Variants in RBFOX2 observed in about 807,000 individuals in gnomAD.
RBFOX2 encodes the protein RNA binding protein fox-1 homolog 2.
A neutral mutation model predicts 49.1 loss-of-function variants in RBFOX2; 10 were observed. The ratio of observed to expected loss-of-function variants is 0.20; its 90% confidence interval spans 0.13 to 0.35. The LOEUF (loss-of-function observed/expected upper bound fraction) is 0.35. Ranked by LOEUF, RBFOX2 falls within the 10% of genes least tolerant of loss-of-function variation. The pLI, the probability that RBFOX2 is intolerant of heterozygous loss-of-function variation, is 1.00. For missense variants in RBFOX2, 323 were observed against 486.9 expected, an observed-to-expected ratio of 0.66 and a Z score of 3.17; for synonymous variants, 183 against 187.4, an observed-to-expected ratio of 0.98 and a Z score of 0.19.
chr22:36,028,556 G>A (rs2059540722), exon 1 of RBFOX2: 24 of 860,768 alleles, frequency 2.8e-5, no homozygotes, highest in Non-Finnish European at 3.3e-5. Context: ...GCGTGCGTGC[G>A]CGCGAGCGGA....
chr22:35,790,216 G>A (rs1030021221), intron 2 of RBFOX2, among the ~76,000 whole-genome samples: 8 of 152,268 alleles, frequency 5.3e-5, no homozygotes, highest in South Asian at 2.1e-4. Context: ...CTTGTTTTGA[G>A]CTGACATGTA....
chr22:35,840,694 C>T, upstream of RBFOX2: 1 of 907,032 alleles, frequency 1.1e-6, no homozygotes. Flanking sequence ...GCGCCATGTG[C>T]TGGCATATTT....
chr22:35,772,827 C>T (rs569979535), intron 4 of RBFOX2, among the ~76,000 whole-genome samples: 1 of 152,004 alleles, frequency 6.6e-6, no homozygotes, highest in Non-Finnish European at 1.5e-5. Context: ...TGGCCTCAGA[C>T]TGCAATAAAT....
intron 1 of RBFOX2, among the ~76,000 whole-genome samples, chr22:35,930,167 C>T (rs2052208307): frequency 6.6e-6 from 1 of 151,626 alleles, no homozygotes; most frequent in African/African-American, 2.4e-5. Context: ...ATTACAGGCA[C>T]CCGCCACCAT....
At chr22:35,742,215 C>G (rs1472650216) in exon 12 of RBFOX2, 2 of 152,222 alleles carry the variant, frequency 1.3e-5, no homozygotes, top group Non-Finnish European at 2.9e-5. Flanking sequence ...CCCTTATTCT[C>G]TGTCTTCCTC....
intron 1 of RBFOX2, among the ~76,000 whole-genome samples, chr22:35,898,665 C>T (rs1037164001): frequency 6.6e-5 from 10 of 151,902 alleles, no homozygotes; most frequent in Admixed American, 2.6e-4. Flanking sequence ...TGACCTCAAG[C>T]GATCCACCTG....
At chr22:35,917,817 G>A (rs541171622) in intron 1 of RBFOX2, among the ~76,000 whole-genome samples, 1 of 152,256 alleles carries the variant, frequency 6.6e-6, no homozygotes, top group African/African-American at 2.4e-5. Flanking sequence ...CTTAAAGCCT[G>A]CACTGCTGAT....
intron 9 of RBFOX2, among the ~76,000 whole-genome samples, chr22:35,757,595 T>C (rs1349538821): frequency 6.6e-6 from 1 of 152,232 alleles, no homozygotes; most frequent in Non-Finnish European, 1.5e-5. Context: ...CTTAATTCTA[T>C]TTCCAATGAC....
At chr22:35,947,340 A>C (rs1248367016) in intron 1 of RBFOX2, among the ~76,000 whole-genome samples, 3 of 152,202 alleles carry the variant, frequency 2.0e-5, no homozygotes, top group African/African-American at 7.2e-5. Flanking sequence ...AGTCTAGCGC[A>C]TACAACAATG....
At chr22:35,807,234 T>C (rs1258971540) in intron 2 of RBFOX2, among the ~76,000 whole-genome samples, 1 of 151,966 alleles carries the variant, frequency 6.6e-6, no homozygotes, top group Admixed American at 6.6e-5. Context: ...ATCAGACAAA[T>C]AGTTTTACTA....
intron 1 of RBFOX2, among the ~76,000 whole-genome samples, chr22:35,927,244 C>T (rs113642972): frequency 4.5e-4 from 69 of 152,226 alleles, no homozygotes; most frequent in South Asian, 2.5e-3. Flanking sequence ...ACATTTCAAA[C>T]GAAAGGCATT....
chr22:35,869,060 GC>G (rs1218789160), intron 1 of RBFOX2, among the ~76,000 whole-genome samples: 1 of 151,968 alleles, frequency 6.6e-6, no homozygotes, highest in African/African-American at 2.4e-5. Context: ...TAAGGGCTAG[GC>G]CAGAGATCCA....
At chr22:35,858,551 C>A (rs1474175299) in intron 1 of RBFOX2, among the ~76,000 whole-genome samples, 1 of 152,182 alleles carries the variant, frequency 6.6e-6, no homozygotes, top group Non-Finnish European at 1.5e-5. Context: ...AAAGGCCAGG[C>A]ACGGTGGCTC....
chr22:35,966,663 T>C (rs2056575461), upstream of RBFOX2, among the ~76,000 whole-genome samples: 1 of 152,190 alleles, frequency 6.6e-6, no homozygotes, highest in Non-Finnish European at 1.5e-5. Flanking sequence ...ATTTTGCTAC[T>C]GGGTTGTTCA....
intron 9 of RBFOX2, among the ~76,000 whole-genome samples, chr22:35,752,153 T>C (rs906349648): frequency 7.9e-5 from 12 of 152,206 alleles, no homozygotes; most frequent in Admixed American, 5.2e-4. Context: ...CACAGTCCAA[T>C]TACAACTGGT....
At chr22:35,853,069 G>A (rs1157043348) in intron 1 of RBFOX2, among the ~76,000 whole-genome samples, 2 of 152,112 alleles carry the variant, frequency 1.3e-5, no homozygotes, top group South Asian at 4.2e-4. Context: ...CAAGGCGAGC[G>A]GATCACCTAA....
intron 1 of RBFOX2, among the ~76,000 whole-genome samples, chr22:36,015,082 G>A (rs1027004752): frequency 2.6e-5 from 4 of 152,144 alleles, no homozygotes; most frequent in African/African-American, 9.7e-5. Flanking sequence ...ATGGAGAGGC[G>A]CTAGCTAACA....
Position 35,906,481 on chromosome 22 carries a change from T to C in RBFOX2, c.-34+32366A>G, listed in dbSNP as rs1425338607. Among the ~76,000 whole-genome samples the C allele has an allele frequency of 2.0e-5, 3 of 152,314 alleles. No individual in the cohort carries two copies. The East Asian group carries it at 5.8e-4, about 29-fold the overall frequency. ...AAAATCACACTTTTTCCTTTACCAA[T>C]GGTCAGATATTTAAATATTTCACAC... is the stretch of plus-strand genomic sequence containing the variant. On this transcript the variant is annotated intron_variant, in intron 1 of 13. Transcript: ENST00000359369.
chr22:35,779,997 T>C (rs1944773671), intron 3 of RBFOX2, among the ~76,000 whole-genome samples: 2 of 152,182 alleles, frequency 1.3e-5, no homozygotes, highest in Non-Finnish European at 1.5e-5. Context: ...TAAGATTTTA[T>C]ATAAGCTCTA....
Sources: allele counts gnomAD v4.1 joint callset (sites outside exome capture counted in the v4.1 genomes callset), GRCh38; gene constraint gnomAD v4.1.1; transcripts MANE v1.5; gene names NCBI Gene and HGNC (gene_info 2026-07-23, HGNC 2026-07-21).